Variants in SFT2D2 observed in about 807,000 individuals in gnomAD.
The protein encoded by SFT2D2 is vesicle transport protein SFT2B.
In SFT2D2, 21 loss-of-function variants were observed where a neutral mutation model predicts 27.4. The ratio of observed to expected loss-of-function variants is 0.77; its 90% CI spans 0.54 to 1.10. SFT2D2 has a LOEUF of 1.10. Among genes scored for constraint, SFT2D2 ranks in the 50% least tolerant of loss-of-function variants. The pLI is 0.00. For missense variants in SFT2D2, 187 were observed against 194.2 expected (o/e 0.96, Z 0.22); for synonymous variants, 72 against 71.7 (o/e 1.00, Z -0.02).
Position 168,242,665 on chromosome 1 carries a change from T to G in SFT2D2, c.*125T>G. On this transcript the variant is annotated 3_prime_UTR_variant, in exon 8 of 8. Transcript: ENST00000271375. ...CTTTTATCTTGCAGCAATGTGTTGC[T>G]TGTGATTCGAACATTTGAGGGTTAC... The G allele has an allele frequency of 8.5e-7, 1 of 1,171,350 alleles. No individual in the cohort carries two copies. The highest frequency in any genetic ancestry group is 1.2e-5 in the South Asian group (1 of 80,608). 72.6% of individuals were successfully genotyped at this position (1,171,350 alleles called of 1,614,324 possible). A position where few individuals can be genotyped will look rare whatever the true frequency, so the allele number is the denominator to read the frequency against.
chr1:168,239,399 CTT>C (rs907485631), intron 7 of SFT2D2, among the ~76,000 whole-genome samples: 4 of 150,536 alleles, frequency 2.7e-5, no homozygotes, highest in Non-Finnish European at 5.9e-5. Flanking sequence ...ACATTCTACT[CTT>C]ATATATGGTG....
intron 1 of SFT2D2, 120 bp from the exon 2 acceptor site, chr1:168,231,394 G>A (rs1647287118): frequency 2.6e-6 from 2 of 773,882 alleles, no homozygotes; most frequent in African/African-American, 1.8e-5. Context: ...GCCTGAGTGT[G>A]TAGGATTCTG....
intron 1 of SFT2D2, among the ~76,000 whole-genome samples, chr1:168,226,836 C>A (rs1700465951): frequency 6.6e-6 from 1 of 151,624 alleles, no homozygotes; most frequent in African/African-American, 2.4e-5. Flanking sequence ...TTCTTTTTTT[C>A]TGAGACAGAG....
Position 168,249,350 on chromosome 1 carries a change from C to T in SFT2D2, c.*6810C>T, listed in dbSNP as rs911171196. ...TTCTGGGTTCAAGTGATTCTTGTGC[C>T]TCAGCCTCCCAAGAAACTGGGACTA... is the stretch of plus-strand genomic sequence containing the variant. On this transcript the variant is annotated 3_prime_UTR_variant, in exon 8 of 8. Transcript: ENST00000271375. The T allele has an allele frequency of 6.6e-6, 1 of 152,304 alleles. No homozygotes were observed. The highest frequency in any genetic ancestry group is 2.4e-5 in the African/African-American group (1 of 41,452). 9.4% of individuals were successfully genotyped at this position (152,304 alleles called of 1,614,324 possible).
chr1:168,241,498 C>G (rs1388111799), intron 7 of SFT2D2, among the ~76,000 whole-genome samples: 1 of 152,010 alleles, frequency 6.6e-6, no homozygotes, highest in African/African-American at 2.4e-5. Context: ...TGGCCCCACC[C>G]TTCTATTTGT....
intron 7 of SFT2D2, among the ~76,000 whole-genome samples, chr1:168,239,432 C>G (rs1647587720): frequency 7.0e-6 from 1 of 142,424 alleles, no homozygotes; most frequent in Non-Finnish European, 1.5e-5. Context: ...CATTATTACT[C>G]TTTTAACCCG....
intron 3 of SFT2D2, among the ~76,000 whole-genome samples, chr1:168,234,581 C>T (rs545299668): frequency 3.3e-5 from 5 of 152,166 alleles, no homozygotes; most frequent in African/African-American, 9.6e-5. Flanking sequence ...TGGCATTTAG[C>T]AAACATTCAA....
In SFT2D2 at chr1:168,248,481, A is replaced by G. The variant is rs1485551976; in HGVS notation, c.*5941A>G. On this transcript the variant is annotated 3_prime_UTR_variant, in exon 8 of 8. Coordinates refer to ENST00000271375, the MANE Select transcript of SFT2D2 (RefSeq NM_199344.3). ...CTAGTTTTTGCCCATTCAGTATGAT[A>G]TTGGCTGTGGGTTTGTCATAAATAG... The G allele has an allele frequency of 1.3e-5, 2 of 152,182 alleles. No individual in the cohort carries two copies. The highest frequency in any genetic ancestry group is 4.8e-5 in the African/African-American group (2 of 41,434). The allele number at this position is 152,182 out of a possible 1,614,324, so 9.4% of individuals were successfully genotyped here.
rs896463461 is a variant in SFT2D2, at chr1:168,252,425, T to C, written c.*9885T>C. On this transcript the variant is annotated 3_prime_UTR_variant, in exon 8 of 8. Coordinates refer to ENST00000271375, the MANE Select transcript of SFT2D2 (RefSeq NM_199344.3). ...ATGTTGTTGCTCTGTGCCTGTTGAA[T>C]GTCCATGCTACAAGAAGTTATGAGC... 1.6e-4 allele frequency: 25 copies of C among 152,346 alleles called. No individual in the cohort carries two copies. The highest frequency in any genetic ancestry group is 5.8e-4 in the African/African-American group (24 of 41,584). The allele number at this position is 152,346 out of a possible 1,614,324, so 9.4% of individuals were successfully genotyped here.
chr1:168,244,155 T>A lies in SFT2D2; in HGVS notation c.*1615T>A. 1 of 152,132 alleles carries A rather than the reference T, an allele frequency of 6.6e-6. No individual in the cohort carries two copies. The highest frequency in any genetic ancestry group is 1.5e-5 in the Non-Finnish European group (1 of 68,436). 9.4% of individuals were successfully genotyped at this position (152,132 alleles called of 1,614,324 possible). ...TGCTGAACCTTTCTTTGTCCTACTG[T>A]GGCTAAGAACTCTGACTGGTTTTTT... On this transcript the variant is annotated 3_prime_UTR_variant, in exon 8 of 8. Coordinates refer to ENST00000271375, the MANE Select transcript of SFT2D2 (RefSeq NM_199344.3).
In SFT2D2 at chr1:168,247,866, C is replaced by T. The variant is rs1647862155; in HGVS notation, c.*5326C>T. ...CACCATGCCACTTTTTAATGATTGC[C>T]ATTCTAACTGGCATGAGATGGCATC... On this transcript the variant is annotated 3_prime_UTR_variant, in exon 8 of 8. Coordinates refer to ENST00000271375, the MANE Select transcript of SFT2D2 (RefSeq NM_199344.3). 6.6e-6 allele frequency: 1 copy of T among 152,236 alleles called. No individual in the cohort carries two copies. The highest frequency in any genetic ancestry group is 6.5e-5 in the Admixed American group (1 of 15,278). The allele number at this position is 152,236 out of a possible 1,614,324, so 9.4% of individuals were successfully genotyped here.
chr1:168,238,243 ATTT>A (rs1238689161), intron 6 of SFT2D2, among the ~76,000 whole-genome samples: 5 of 152,088 alleles, frequency 3.3e-5, no homozygotes. Flanking sequence ...AGTTGGTAGC[ATTT>A]TTTTCTTCTT....
intron 1 of SFT2D2, among the ~76,000 whole-genome samples, chr1:168,228,285 G>A (rs1286295125): frequency 6.6e-6 from 1 of 152,188 alleles, no homozygotes. Flanking sequence ...GGGGCTGGTA[G>A]AACTGGAGGA....
intron 6 of SFT2D2, among the ~76,000 whole-genome samples, chr1:168,238,705 AAAAT>A (rs1215924179): frequency 3.3e-5 from 5 of 152,062 alleles, no homozygotes; most frequent in Non-Finnish European, 5.9e-5. Context: ...CTCAAAAAAA[AAAAT>A]AAATAAATAA....
rs1647910970 is a variant in SFT2D2 at position 168,249,866 on chromosome 1, T to C, written c.*7326T>C. ...GGTAGGTGTTATTTAATCCCAGAAATAACTGACAACTTTGGAAGATGAGAG... is the reference window on the plus strand; with the variant it reads ...GGTAGGTGTTATTTAATCCCAGAAACAACTGACAACTTTGGAAGATGAGAG... On this transcript the variant is annotated 3_prime_UTR_variant, in exon 8 of 8. Coordinates refer to ENST00000271375, the MANE Select transcript of SFT2D2 (RefSeq NM_199344.3). The C allele has an allele frequency of 6.6e-6, 1 of 152,198 alleles. No individual in the cohort carries two copies. Among genetic ancestry groups the C allele is most frequent in the South Asian group, 2.1e-4 (1 of 4,826 alleles). 9.4% of individuals were successfully genotyped at this position (152,198 alleles called of 1,614,324 possible).
chr1:168,239,502 C>T (rs1378894746), intron 7 of SFT2D2, among the ~76,000 whole-genome samples: 2 of 135,612 alleles, frequency 1.5e-5, no homozygotes, highest in African/African-American at 2.8e-5. Flanking sequence ...CATTTCATAT[C>T]ACTGAGTAAG....
intron 3 of SFT2D2, among the ~76,000 whole-genome samples, chr1:168,234,405 A>C (rs892413104): frequency 6.6e-5 from 10 of 151,124 alleles, no homozygotes; most frequent in Admixed American, 1.3e-4. Flanking sequence ...AAAAAAAAAA[A>C]CAAACAAAAA....
At position 168,244,891 on chromosome 1, in the gene SFT2D2, A is replaced by G. The variant is rs1443118009; in HGVS notation, c.*2351A>G. The G allele has an allele frequency of 6.6e-6, 1 of 152,130 alleles. No homozygotes were observed. Among genetic ancestry groups the G allele is most frequent in the Non-Finnish European group, 1.5e-5 (1 of 68,044 alleles). 9.4% of individuals were successfully genotyped at this position (152,130 alleles called of 1,614,324 possible). On this transcript the variant is annotated 3_prime_UTR_variant, in exon 8 of 8. Coordinates refer to ENST00000271375, the MANE Select transcript of SFT2D2 (RefSeq NM_199344.3). Reference sequence around the variant, plus strand: ...TAGATTGAACAACCATGCTTTGTTTAAAAAATAATCTCAGCAAACTAGGGA... The same window carrying G: ...TAGATTGAACAACCATGCTTTGTTTGAAAAATAATCTCAGCAAACTAGGGA...
intron 7 of SFT2D2, among the ~76,000 whole-genome samples, chr1:168,240,323 TAAGCCTTTC>T (rs1268267588): frequency 6.6e-6 from 1 of 152,128 alleles, no homozygotes; most frequent in Admixed American, 6.5e-5. Context: ...GATGCGAAGT[TAAGCCTTTC>T]AAGTGAAAGG....
Sources: allele counts gnomAD v4.1 joint callset (sites outside exome capture counted in the v4.1 genomes callset), GRCh38; gene constraint gnomAD v4.1.1; transcripts MANE v1.5; gene names NCBI Gene and HGNC (gene_info 2026-07-23, HGNC 2026-07-21).